Variants in MTERF3 observed in about 807,000 individuals in gnomAD.
The protein encoded by MTERF3 is transcription termination factor 3, mitochondrial.
A neutral mutation model predicts 40.5 loss-of-function variants in MTERF3; 40 were observed. The observed-to-expected ratio is 0.99, with a 90% CI of 0.77 to 1.29. The LOEUF is 1.29. Ranked by LOEUF, MTERF3 falls within the 50% of genes most tolerant of loss-of-function variation. The pLI is 0.00. For missense variants in MTERF3, 452 were observed against 478.2 expected (o/e 0.95, Z 0.51); for synonymous variants, 158 against 166.6 (o/e 0.95, Z 0.40).
intron 7 of MTERF3, among the ~76,000 whole-genome samples, chr8:96,241,560 C>T (rs10955069): frequency 0.47 from 71,584 of 152,030 alleles, 17,382 homozygotes; most frequent in African/African-American, 0.54. Context: ...AGATATTATA[C>T]GTTTACTTCT....
Position 96,239,682 on chromosome 8 carries a change from A to C in MTERF3, c.1063T>G (p.Phe355Val). The C allele has an allele frequency of 6.4e-7, 1 of 1,571,682 alleles. No individual in the cohort carries two copies. The highest frequency in any genetic ancestry group is 8.6e-7 in the Non-Finnish European group (1 of 1,167,324). Residue 355 changes from phenylalanine to valine, a missense_variant, in exon 8 of 8, where the codon TTT becomes GTT. By Grantham distance (50) the Phe-to-Val change is conservative. Coordinates refer to ENST00000287025, the MANE Select transcript of MTERF3 (RefSeq NM_015942.5). ...HHIIVKFPQVFNTRLFKVKER... is the reference protein window; with the variant it reads ...HHIIVKFPQVVNTRLFKVKER... ...TTGACCTTAAACAGCCTTGTATTAA[A>C]TACCTAGAAAAGAAAAAAAAGTTTT... is the stretch of plus-strand genomic sequence containing the variant.
chr8:96,259,149 T>C (rs999285937), intron 1 of MTERF3, among the ~76,000 whole-genome samples: 7 of 152,252 alleles, frequency 4.6e-5, no homozygotes, highest in Non-Finnish European at 8.8e-5. Context: ...ACTGAATTAT[T>C]CAAATGCATT....
At chr8:96,241,690 G>A (rs1234332210) in intron 7 of MTERF3, among the ~76,000 whole-genome samples, 1 of 152,114 alleles carries the variant, frequency 6.6e-6, no homozygotes, top group Non-Finnish European at 1.5e-5. Flanking sequence ...TGTGGGGGGA[G>A]AGTTGTTGGC....
chr8:96,244,645 C>T (rs1809991134), intron 6 of MTERF3, among the ~76,000 whole-genome samples: 1 of 152,180 alleles, frequency 6.6e-6, no homozygotes. Flanking sequence ...AAGTGATCTG[C>T]CCACCTCGGC....
At chr8:96,255,796 C>T (rs764088284) in intron 3 of MTERF3, among the ~76,000 whole-genome samples, 23 of 152,174 alleles carry the variant, frequency 1.5e-4, no homozygotes, top group East Asian at 1.9e-4. Flanking sequence ...GATTATATCC[C>T]CACATATCTG....
intron 4 of MTERF3, among the ~76,000 whole-genome samples, chr8:96,249,190 C>G (rs1397414191): frequency 1.3e-5 from 2 of 152,174 alleles, no homozygotes; most frequent in Non-Finnish European, 2.9e-5. Context: ...GGGGTTGAAA[C>G]CACTTACTCT....
At chr8:96,251,785 ATAT>A (rs1458811612) in intron 3 of MTERF3, among the ~76,000 whole-genome samples, 2 of 152,232 alleles carry the variant, frequency 1.3e-5, no homozygotes, top group Non-Finnish European at 1.5e-5. Flanking sequence ...ATAACTCCAA[ATAT>A]TATTAGAACC....
chr8:96,255,797 C>T (rs748231827), intron 3 of MTERF3, among the ~76,000 whole-genome samples: 2 of 152,080 alleles, frequency 1.3e-5, no homozygotes, highest in African/African-American at 2.4e-5. Flanking sequence ...ATTATATCCC[C>T]ACATATCTGA....
chr8:96,250,239 C>T (rs1052733125), intron 4 of MTERF3, among the ~76,000 whole-genome samples: 15 of 150,690 alleles, frequency 1.0e-4, no homozygotes, highest in Middle Eastern at 3.5e-3. Context: ...AAATGTCTAA[C>T]AACAAAAATT....
At chr8:96,260,832 T>C (rs1400084781) in intron 1 of MTERF3, among the ~76,000 whole-genome samples, 1 of 152,354 alleles carries the variant, frequency 6.6e-6, no homozygotes, top group South Asian at 2.1e-4. Context: ...CCTGGATCCA[T>C]CCTTCCGGGG....
chr8:96,255,860 A>G (rs1563551778), intron 3 of MTERF3, among the ~76,000 whole-genome samples: 1 of 152,214 alleles, frequency 6.6e-6, no homozygotes, highest in Non-Finnish European at 1.5e-5. Context: ...GAGAGGAGAA[A>G]GACGACACTG....
At position 96,239,533 on chromosome 8, in the gene MTERF3, T is replaced by G. The variant is rs1199813615; in HGVS notation, c.1212A>C (p.Lys404Asn). 1 of 1,610,032 alleles carries G rather than the reference T, an allele frequency of 6.2e-7. No individual in the cohort carries two copies. The highest frequency in any genetic ancestry group is 8.5e-7 in the Non-Finnish European group (1 of 1,179,092). Residue 404 changes from lysine (K) to asparagine (N), a missense_variant, in exon 8 of 8, where the codon AAA becomes AAC. Transcript: ENST00000287025. Reference protein sequence around the residue: ...PDEIFCEEIAKASVQDFEKFL... With the variant: ...PDEIFCEEIANASVQDFEKFL... The stretch of plus-strand genomic sequence containing the variant: ...ATTTTTCAAAGTCCTGTACTGATGC[T>G]TTGGCAATCTCTTCACAAAATATTT...
At chr8:96,246,261 A>G in intron 5 of MTERF3, 46 bp downstream of exon 5, 2 of 1,531,702 alleles carry the variant, frequency 1.3e-6, no homozygotes, top group Non-Finnish European at 1.8e-6. Flanking sequence ...TCAGCTATTA[A>G]AATGTACCTG....
chr8:96,255,302 G>T (rs534892733), intron 3 of MTERF3, among the ~76,000 whole-genome samples: 1 of 152,288 alleles, frequency 6.6e-6, no homozygotes, highest in South Asian at 2.1e-4. Context: ...CATAGGATAA[G>T]CTATTAAATT....
chr8:96,240,202 C>T (rs182152488), intron 7 of MTERF3, among the ~76,000 whole-genome samples: 1 of 151,294 alleles, frequency 6.6e-6, no homozygotes, highest in Admixed American at 6.6e-5. Flanking sequence ...GAGCCGAGAT[C>T]GCGCCACTGC....
chr8:96,248,275 C>T (rs757132019), intron 4 of MTERF3, among the ~76,000 whole-genome samples: 1 of 152,172 alleles, frequency 6.6e-6, no homozygotes, highest in Non-Finnish European at 1.5e-5. Flanking sequence ...GAAGTATGTA[C>T]AAGGTAAGTC....
chr8:96,239,719 G>T, intron 7 of MTERF3, 34 bp from the exon 8 acceptor site: 1 of 1,497,934 alleles, frequency 6.7e-7, no homozygotes, highest in Non-Finnish European at 9.0e-7. Flanking sequence ...AAAAAACACT[G>T]CACACGGGAG....
chr8:96,250,900 T>A lies in MTERF3; in HGVS notation c.677+6A>T, dbSNP rs1309000305. 3 of 1,597,920 alleles carry A rather than the reference T, an allele frequency of 1.9e-6. No individual in the cohort carries two copies. In the East Asian group the frequency reaches 6.7e-5, roughly 36 times the overall value. On this transcript the variant is annotated splice_donor_region_variant and intron_variant, in intron 4 of 7. Coordinates refer to ENST00000287025, the MANE Select transcript of MTERF3 (RefSeq NM_015942.5). ...GGTTATATGAGAATCCTTTTAAAAG[T>A]CCTACCTGGTCTTCAGATTTTCAAG... is the stretch of plus-strand genomic sequence containing the variant.
At chr8:96,250,615 CAGAAGAAGAAG>C (rs1810132390) in intron 4 of MTERF3, among the ~76,000 whole-genome samples, 1 of 11,790 alleles carries the variant, frequency 8.5e-5, no homozygotes, top group South Asian at 4.1e-3. Flanking sequence ...GAGGCTGAGG[CAGAAGAAGAAG>C]AAGAAGAAGA....
Sources: allele counts gnomAD v4.1 joint callset (sites outside exome capture counted in the v4.1 genomes callset), GRCh38; gene constraint gnomAD v4.1.1; transcripts MANE v1.5; gene names NCBI Gene and HGNC (gene_info 2026-07-23, HGNC 2026-07-21).